The following DOP1A variants were observed in gnomAD, a reference collection of about 807,000 sequenced individuals.
DOP1A encodes DOP1 leucine zipper like protein A.
Under a neutral mutation model 267.6 loss-of-function variants are expected in DOP1A, and 90 were observed. The ratio of observed to expected loss-of-function variants is 0.34; its 90% CI spans 0.28 to 0.40. The LOEUF is 0.40. DOP1A is among the 10% of genes least tolerant of loss of function. The pLI, the probability that DOP1A is intolerant of heterozygous loss-of-function variation, is 1.00. For missense variants in DOP1A, 2,437 were observed against 2,900.4 expected, an observed-to-expected ratio of 0.84 and a Z score of 3.67; for synonymous variants, 932 against 999.1, an observed-to-expected ratio of 0.93 and a Z score of 1.27.
intron 20 of DOP1A, 60 bp from the exon 21 acceptor site, chr6:83,137,113 T>C: frequency 7.0e-7 from 1 of 1,418,908 alleles, no homozygotes; most frequent in East Asian, 2.4e-5. Context: ...CATTTCTACA[T>C]TTCAATTATT....
At chr6:83,118,840 A>T (rs1440385612) in intron 7 of DOP1A, 48 bp from the exon 8 acceptor site, 8 of 1,514,570 alleles carry the variant, frequency 5.3e-6, no homozygotes, top group Non-Finnish European at 7.2e-6. Context: ...GAAAAAAATA[A>T]TATATATTGT....
rs80174733 is a variant in DOP1A, at chr6:83,116,359, T to C, written c.781-2529T>C. ...GGATATTAAGGAAATACTGGTTTAT[T>C]GAATTATGCAGATTTTCCAAATGTT... is the stretch of plus-strand genomic sequence containing the variant. On this transcript the variant is annotated intron_variant, in intron 7 of 38. Coordinates refer to ENST00000349129, the MANE Select transcript of DOP1A (RefSeq NM_015018.4). 5.3e-3 allele frequency among the ~76,000 whole-genome samples: 810 copies of C among 152,318 alleles called. 8 individuals are homozygous for C. The highest frequency in any genetic ancestry group is 0.019 in the African/African-American group (775 of 41,566).
At chr6:83,160,858 C>T (rs1784078205) in intron 37 of DOP1A, among the ~76,000 whole-genome samples, 1 of 151,968 alleles carries the variant, frequency 6.6e-6, no homozygotes, top group Non-Finnish European at 1.5e-5. Flanking sequence ...TTTATTTGGA[C>T]ATGCTCCAAA....
At chr6:83,113,252 G>C (rs1774867907) in intron 6 of DOP1A, 71 bp from the exon 7 acceptor site, 1 of 1,143,946 alleles carries the variant, frequency 8.7e-7, no homozygotes, top group Non-Finnish European at 1.3e-6. Context: ...AAAATAAAGA[G>C]TTGTCACATT....
chr6:83,139,313 T>C lies in DOP1A; in HGVS notation c.5120+151T>C, dbSNP rs566814790. ...ATTACTTTCCACAAAAAAGAAAATT[T>C]GACTTGAGGAAGAGTATCAGTAAAA... On this transcript the variant is annotated intron_variant, in intron 21 of 38. Coordinates refer to ENST00000349129, the MANE Select transcript of DOP1A (RefSeq NM_015018.4). 35 of 590,022 alleles carry C rather than the reference T, an allele frequency of 5.9e-5. No individual in the cohort carries two copies. The South Asian group carries it at 9.5e-4, about 16-fold the overall frequency. 36.5% of individuals were successfully genotyped at this position (590,022 alleles called of 1,614,324 possible).
At chr6:83,089,087 T>C (rs1379755884) in intron 1 of DOP1A, among the ~76,000 whole-genome samples, 2 of 152,232 alleles carry the variant, frequency 1.3e-5, no homozygotes, top group Non-Finnish European at 2.9e-5. Flanking sequence ...GATACATCTT[T>C]GGAATTGAGT....
At chr6:83,132,056 A>G (rs539725001) in intron 17 of DOP1A, 120 bp from the exon 18 acceptor site, 1 of 1,182,852 alleles carries the variant, frequency 8.5e-7, no homozygotes, top group Admixed American at 2.1e-5. Context: ...CCCATGCAGT[A>G]GAATATTAAA....
In DOP1A at chr6:83,162,880, C is replaced by T. The variant is rs753383297; in HGVS notation, c.7053C>T (p.Tyr2351=). 6.2e-6 allele frequency: 10 copies of T among 1,613,062 alleles called. No individual in the cohort carries two copies. Among genetic ancestry groups the T allele is most frequent in the Admixed American group, 3.3e-5 (2 of 59,958 alleles). The change falls in exon 38 of 39, where the codon TAC becomes TAT. Residue 2351 remains tyrosine (Y), a synonymous_variant. Coordinates refer to ENST00000349129, the MANE Select transcript of DOP1A (RefSeq NM_015018.4). ...TACATCAACGAGAATTTAAACCTTA[C>T]GTGGTACGACTAGCAAAACTTCTTC... is the stretch of plus-strand genomic sequence containing the variant. ...QGIHQREFKP[Y]VVRLAKLLRK... is the part of the protein sequence containing the mutation.
At chr6:83,170,498 A>G, downstream of DOP1A, 1 of 1,603,812 alleles carries the variant, frequency 6.2e-7, no homozygotes, top group Non-Finnish European at 8.5e-7. Context: ...AGCATTTCAT[A>G]TTTGTTACTC....
rs1776571459 is a variant in DOP1A at position 83,122,843 on chromosome 6, TTTC to T, written c.1221-17_1221-15del. On this transcript the variant is annotated splice_polypyrimidine_tract_variant and intron_variant, in intron 11 of 38. Transcript: ENST00000349129. ...AATGTTAATATTTTTTAGTTTTTGTTTTCTTTTCTCTTTTTTCAGTAAATTAAG... is the reference window on the plus strand; with the variant it reads ...AATGTTAATATTTTTTAGTTTTTGTTTTTTCTCTTTTTTCAGTAAATTAAG... 1.4e-6 allele frequency: 2 copies of T among 1,432,570 alleles called. No individual in the cohort carries two copies. Among genetic ancestry groups the T allele is most frequent in the Non-Finnish European group, 1.8e-6 (2 of 1,085,724 alleles). The allele number at this position is 1,432,570 out of a possible 1,614,324, so 88.7% of individuals were successfully genotyped here. A position where few individuals can be genotyped will look rare whatever the true frequency, so the allele number is the denominator to read the frequency against.
intron 10 of DOP1A, 24 bp from the exon 11 acceptor site, chr6:83,121,906 C>A (rs1166171735): frequency 6.9e-6 from 11 of 1,588,240 alleles, no homozygotes; most frequent in Non-Finnish European, 9.4e-6. Context: ...TAATTACTGT[C>A]TTTAATTTGA....
chr6:83,121,992 G>T lies in DOP1A; in HGVS notation c.1162G>T (p.Ala388Ser), dbSNP rs1395568627. Residue 388 changes from alanine (A) to serine (S), a missense_variant, in exon 11 of 39, where the codon GCA (alanine) becomes TCA (serine). Physicochemically the swap from Ala to Ser is moderately conservative, Grantham distance 99. This residue lies in a region of DOP1A where 498 missense variants were observed against 513.5 expected (regional missense o/e 0.97). Transcript: ENST00000349129. ...VFRTLYSQCK[A>S]ELDLQTEPPF... ...TAGAACATTATATTCTCAATGCAAA[G>T]CAGAGTTGGATCTTCAAACTGAACC... 1 of 1,611,472 alleles carries T rather than the reference G, an allele frequency of 6.2e-7. No homozygotes were observed. Among genetic ancestry groups the T allele is most frequent in the African/African-American group, 1.3e-5 (1 of 74,798 alleles).
At position 83,129,179 on chromosome 6, in the gene DOP1A, A is replaced by G; in HGVS notation, c.2012A>G (p.Lys671Arg). 1 of 1,613,102 alleles carries G rather than the reference A, an allele frequency of 6.2e-7. No individual in the cohort carries two copies. Among genetic ancestry groups the G allele is most frequent in the Non-Finnish European group, 8.5e-7 (1 of 1,179,510 alleles). The part of the protein sequence containing the change: ...TATRSRKTAQ[K>R]TAMQCCLEYV... ...ACCCGAAGTAGGAAGACAGCCCAAA[A>G]GACTGCAATGCAGTGCTGCTTGGAG... The change falls in exon 16 of 39, where the codon AAG becomes AGG. Residue 671 changes from lysine (K) to arginine (R), a missense_variant. Transcript: ENST00000349129.
intron 1 of DOP1A, among the ~76,000 whole-genome samples, chr6:83,072,549 T>C (rs1375931563): frequency 6.6e-6 from 1 of 152,198 alleles, no homozygotes. Context: ...GTGGTTTCTT[T>C]CCTGCTTCTC....
chr6:83,094,895 T>G (rs1187183449), intron 1 of DOP1A, among the ~76,000 whole-genome samples: 1 of 152,166 alleles, frequency 6.6e-6, no homozygotes, highest in Non-Finnish European at 1.5e-5. Context: ...ATTTATTTTT[T>G]CTTTTGTTGC....
chr6:83,168,183 C>A lies in DOP1A; in HGVS notation c.*16C>A. ...AAAAACTTGAGCACCATTGCTGGTT[C>A]CATTTAGCTTACATGTAAATGTAAT... On this transcript the variant is annotated 3_prime_UTR_variant, in exon 39 of 39. Transcript: ENST00000349129. 6.2e-7 allele frequency: 1 copy of A among 1,601,442 alleles called. No individual in the cohort carries two copies. Among genetic ancestry groups the A allele is most frequent in the South Asian group, 1.1e-5 (1 of 88,870 alleles).
At chr6:83,095,443 C>T (rs1771301532) in intron 1 of DOP1A, among the ~76,000 whole-genome samples, 1 of 152,120 alleles carries the variant, frequency 6.6e-6, no homozygotes, top group African/African-American at 2.4e-5. Context: ...AAAGACTATT[C>T]TTACCTTGGT....
chr6:83,154,635 G>A (rs970454681), intron 33 of DOP1A, among the ~76,000 whole-genome samples: 2 of 152,018 alleles, frequency 1.3e-5, no homozygotes, highest in South Asian at 2.1e-4. Context: ...GCAGGCAGTC[G>A]AATCCAGCCT....
chr6:83,148,704 C>A, intron 26 of DOP1A, 55 bp from the exon 27 acceptor site: 1 of 1,186,884 alleles, frequency 8.4e-7, no homozygotes, highest in Non-Finnish European at 1.2e-6. Context: ...GTTCCACAAA[C>A]TAGTAGAAAA....
Sources: gnomAD v4.1 joint callset for allele counts (sites outside exome capture counted in the v4.1 genomes callset) on GRCh38, gnomAD v4.1.1 for gene constraint, gnomAD v4.1.1 regional missense constraint, MANE v1.5 for transcripts, NCBI Gene and HGNC (gene_info 2026-07-23, HGNC 2026-07-21) for gene names.